Variants in CREB1 observed in about 807,000 individuals in gnomAD.
CREB1 encodes cAMP responsive element binding protein 1, also known as cyclic AMP-responsive element-binding protein 1.
Under a neutral mutation model 42.0 loss-of-function variants are expected in CREB1, and 2 were observed. That is an observed-to-expected ratio of 0.05 (90% confidence interval 0.02 to 0.15). The LOEUF is 0.15. CREB1 is among the 10% of genes least tolerant of loss of function. The pLI, the probability that CREB1 is intolerant of heterozygous loss-of-function variation, is 1.00. For synonymous variants in CREB1, 123 were observed against 139.9 expected, an observed-to-expected ratio of 0.88 and a Z score of 0.85; for missense variants, 199 against 388.9, an observed-to-expected ratio of 0.51 and a Z score of 4.11.
chr2:207,555,799 A>G (rs1169738791), intron 2 of CREB1, 50 bp downstream of exon 2: 1 of 1,220,232 alleles, frequency 8.2e-7, no homozygotes, highest in Non-Finnish European at 1.2e-6. Flanking sequence ...CTAGAGGAAT[A>G]CGTTTCCAAG....
At chr2:207,536,593 T>C (rs1054933070) in intron 1 of CREB1, among the ~76,000 whole-genome samples, 23 of 152,210 alleles carry the variant, frequency 1.5e-4, no homozygotes, top group African/African-American at 5.5e-4. Flanking sequence ...TATTTCGTTT[T>C]TTGTATTCCC....
chr2:207,532,679 A>G (rs1251363485), intron 1 of CREB1, among the ~76,000 whole-genome samples: 3 of 152,104 alleles, frequency 2.0e-5, no homozygotes. Context: ...CAAAAAAAAA[A>G]AAGTTTACTG....
At chr2:207,542,403 T>G (rs904496175) in intron 1 of CREB1, among the ~76,000 whole-genome samples, 2 of 152,352 alleles carry the variant, frequency 1.3e-5, no homozygotes, top group African/African-American at 4.8e-5. Flanking sequence ...TGGTTTTGAT[T>G]TGTATTTCCC....
chr2:207,579,637 C>CA (rs1207444287), intron 7 of CREB1, among the ~76,000 whole-genome samples: 1 of 152,170 alleles, frequency 6.6e-6, no homozygotes, highest in Non-Finnish European at 1.5e-5. Context: ...TGGACTCTTT[C>CA]ATAACATTAC....
At chr2:207,565,417 A>G (rs1460201840) in intron 3 of CREB1, among the ~76,000 whole-genome samples, 1 of 152,014 alleles carries the variant, frequency 6.6e-6, no homozygotes, top group Non-Finnish European at 1.5e-5. Flanking sequence ...CAAAGTTGCA[A>G]GCACTAAATA....
rs1227590296 is a variant in CREB1 at position 207,605,502 on chromosome 2, T to TA, written c.*8445dup. Among the ~76,000 whole-genome samples the TA allele has an allele frequency of 3.9e-5, 6 of 152,226 alleles. No individual in the cohort carries two copies. The highest frequency in any genetic ancestry group is 1.2e-4 in the African/African-American group (5 of 41,444). ...ATAATGTCCTCATTGTTTTCAAACT[T>TA]ACTTTATGTAATATGTACACTTCTA... On this transcript the variant is annotated 3_prime_UTR_variant, in exon 8 of 8. Coordinates refer to ENST00000353267, the MANE Select transcript of CREB1 (RefSeq NM_004379.5).
At chr2:207,542,876 G>A (rs2081151184) in intron 1 of CREB1, among the ~76,000 whole-genome samples, 1 of 152,076 alleles carries the variant, frequency 6.6e-6, no homozygotes, top group Non-Finnish European at 1.5e-5. Flanking sequence ...CCTTTATTCT[G>A]TGTCCATATC....
intron 5 of CREB1, chr2:207,571,823 A>C (rs2082377478): frequency 2.3e-6 from 1 of 430,830 alleles, no homozygotes; most frequent in African/African-American, 2.1e-5. Context: ...CTCTTTAGGA[A>C]AGAGGCCTAT....
intron 1 of CREB1, among the ~76,000 whole-genome samples, chr2:207,532,191 C>T (rs1346051479): frequency 6.6e-6 from 1 of 151,662 alleles, no homozygotes; most frequent in Non-Finnish European, 1.5e-5. Context: ...CCCATCTCTA[C>T]TAAAAATACA....
chr2:207,591,542 C>T (rs534360343), intron 7 of CREB1, among the ~76,000 whole-genome samples: 4 of 152,278 alleles, frequency 2.6e-5, no homozygotes, highest in African/African-American at 7.2e-5. Flanking sequence ...AAGTGATTCT[C>T]GTGCCTCAGC....
chr2:207,546,380 A>G (rs1052537635), intron 1 of CREB1, among the ~76,000 whole-genome samples: 1 of 152,190 alleles, frequency 6.6e-6, no homozygotes, highest in South Asian at 2.1e-4. Flanking sequence ...ATCATTACGC[A>G]TTTATCTGTA....
chr2:207,565,222 G>A (rs1382927332), intron 3 of CREB1, among the ~76,000 whole-genome samples: 1 of 152,034 alleles, frequency 6.6e-6, no homozygotes, highest in African/African-American at 2.4e-5. Flanking sequence ...ATTACCCAGA[G>A]TCCATAGTTT....
rs1575068016 is a variant in CREB1 at position 207,601,522 on chromosome 2, T to C, written c.*4464T>C. The stretch of plus-strand genomic sequence containing the variant: ...TATTCTTTTTCATCTTGGATGAAGA[T>C]TGAAGGGAAAATAACTCAAGTGCAT... On this transcript the variant is annotated 3_prime_UTR_variant, in exon 8 of 8. Coordinates refer to ENST00000353267, the MANE Select transcript of CREB1 (RefSeq NM_004379.5). The C allele has an allele frequency of 5.1e-6, 1 of 195,910 alleles. No homozygotes were observed. The highest frequency in any genetic ancestry group is 1.1e-5 in the Non-Finnish European group (1 of 94,286). The allele number at this position is 195,910 out of a possible 1,614,324, so 12.1% of individuals were successfully genotyped here.
In CREB1 at chr2:207,555,689, A is replaced by G; in HGVS notation, c.54A>G (p.Thr18=). ...AGCAGAGTGGAGATGCAGCTGTAAC[A>G]GAAGCTGAAAACCAACAAATGACAG... ...ENQQSGDAAV[T]EAENQQMTVQ... is the part of the protein sequence containing the mutation. Residue 18 remains threonine (T), a synonymous_variant, in exon 2 of 8, where the codon ACA becomes ACG. Transcript: ENST00000353267. 6.2e-7 allele frequency: 1 copy of G among 1,613,868 alleles called. No homozygotes were observed. Among genetic ancestry groups the G allele is most frequent in the Non-Finnish European group, 8.5e-7 (1 of 1,179,828 alleles).
At chr2:207,548,954 G>A (rs2081398650) in intron 1 of CREB1, among the ~76,000 whole-genome samples, 1 of 152,166 alleles carries the variant, frequency 6.6e-6, no homozygotes, top group Non-Finnish European at 1.5e-5. Flanking sequence ...TTAACTTCAT[G>A]TATAACTTTT....
At chr2:207,550,304 T>C (rs755295411) in intron 1 of CREB1, 1 of 151,860 alleles carries the variant, frequency 6.6e-6, no homozygotes, top group Non-Finnish European at 1.5e-5. Context: ...CAGGGAAATG[T>C]GTTTTTCTCA....
intron 1 of CREB1, among the ~76,000 whole-genome samples, chr2:207,546,622 G>A: frequency 6.6e-6 from 1 of 152,062 alleles, no homozygotes; most frequent in East Asian, 1.9e-4. Context: ...AGCTACTTGG[G>A]AGACTGAGGC....
At position 207,558,576 on chromosome 2, in the gene CREB1, C is replaced by T. The variant is rs2081825872; in HGVS notation, c.115-1650C>T. On this transcript the variant is annotated intron_variant, in intron 2 of 7. Transcript: ENST00000353267. ...TTTCCTTAACTACTTCATGGGCTTTCTTCGTTGGTCTCCCCACCACCAGTT... is the reference window on the plus strand; with the variant it reads ...TTTCCTTAACTACTTCATGGGCTTTTTTCGTTGGTCTCCCCACCACCAGTT... 5.3e-5 allele frequency among the ~76,000 whole-genome samples: 8 copies of T among 151,908 alleles called. No homozygotes were observed. The South Asian group carries it at 1.7e-3, about 32-fold the overall frequency.
chr2:207,592,484 C>T (rs1479856686), intron 7 of CREB1, among the ~76,000 whole-genome samples: 1 of 152,034 alleles, frequency 6.6e-6, no homozygotes, highest in Non-Finnish European at 1.5e-5. Flanking sequence ...TATAATGCTC[C>T]TTTTCTTCCT....
Sources: allele counts gnomAD v4.1 joint callset (sites outside exome capture counted in the v4.1 genomes callset), GRCh38; gene constraint gnomAD v4.1.1; transcripts MANE v1.5; gene names NCBI Gene and HGNC (gene_info 2026-07-23, HGNC 2026-07-21).